IGF2BP3: variants seen among roughly 807,000 people sequenced by gnomAD.
IGF2BP3 encodes insulin-like growth factor 2 mRNA-binding protein 3.
In IGF2BP3, 9 loss-of-function variants were observed where a neutral mutation model predicts 73.8. The observed-to-expected ratio is 0.12, with a 90% CI of 0.07 to 0.21. The LOEUF (loss-of-function observed/expected upper bound fraction) is 0.21. Ranked by LOEUF, IGF2BP3 falls within the 10% of genes least tolerant of loss-of-function variation. The pLI is 1.00. For synonymous variants in IGF2BP3, 258 were observed against 256.7 expected, an observed-to-expected ratio of 1.01 and a Z score of -0.05; for missense variants, 542 against 714.0, an observed-to-expected ratio of 0.76 and a Z score of 2.75.
At chr7:23,383,356 C>T (rs950918259) in intron 3 of IGF2BP3, among the ~76,000 whole-genome samples, 2 of 152,102 alleles carry the variant, frequency 1.3e-5, no homozygotes, top group African/African-American at 4.8e-5. Flanking sequence ...AGATATACTA[C>T]AAATGCTCAA....
intron 12 of IGF2BP3, among the ~76,000 whole-genome samples, chr7:23,314,310 G>A (rs1214626488): frequency 2.0e-5 from 3 of 151,906 alleles, no homozygotes; most frequent in Non-Finnish European, 4.4e-5. Flanking sequence ...AGCCTCCTGA[G>A]TAGCTGGGAC....
intron 10 of IGF2BP3, among the ~76,000 whole-genome samples, chr7:23,320,600 T>C (rs1784110547): frequency 6.7e-6 from 1 of 149,884 alleles, no homozygotes; most frequent in Non-Finnish European, 1.5e-5. Flanking sequence ...GAAATAGTTA[T>C]TGAAATGAGC....
In IGF2BP3 at chr7:23,327,659, T is replaced by C. The variant is rs182594565; in HGVS notation, c.1204-8405A>G. On this transcript the variant is annotated intron_variant, in intron 10 of 14. Transcript: ENST00000258729. ...AATCTCAGGAACTAGGTAGAAATCT[T>C]TAAAATTTTAAGCCGTTTTCAAAAA... Among the ~76,000 whole-genome samples the C allele has an allele frequency of 2.3e-3, 348 of 152,234 alleles. 9 individuals carry two copies. The South Asian group carries it at 0.062, about 27-fold the overall frequency.
chr7:23,376,109 C>T (rs1222850326), intron 3 of IGF2BP3, among the ~76,000 whole-genome samples: 1 of 152,150 alleles, frequency 6.6e-6, no homozygotes, highest in Non-Finnish European at 1.5e-5. Context: ...TTTGGGAAAA[C>T]ACAGCAGCTC....
chr7:23,317,778 C>T (rs1040809700), intron 11 of IGF2BP3, 65 bp from the exon 12 acceptor site: 7 of 1,288,022 alleles, frequency 5.4e-6, no homozygotes, highest in African/African-American at 4.3e-5. Flanking sequence ...CTTGGGCCAA[C>T]CAGCCTAACA....
intron 2 of IGF2BP3, among the ~76,000 whole-genome samples, chr7:23,443,556 C>T (rs1201637655): frequency 1.3e-5 from 2 of 151,982 alleles, no homozygotes; most frequent in African/African-American, 4.8e-5. Flanking sequence ...ATCCCAGCTA[C>T]TTGGGATGGG....
chr7:23,388,793 A>C (rs1355473683), intron 3 of IGF2BP3, among the ~76,000 whole-genome samples: 1 of 152,162 alleles, frequency 6.6e-6, no homozygotes, highest in African/African-American at 2.4e-5. Flanking sequence ...TCTGGGGGTT[A>C]CAAGTGGGTC....
chr7:23,364,821 G>A (rs1051386770), intron 3 of IGF2BP3, among the ~76,000 whole-genome samples: 1 of 151,900 alleles, frequency 6.6e-6, no homozygotes, highest in African/African-American at 2.4e-5. Flanking sequence ...TGGGGGTAGC[G>A]GAGGGGTTCA....
chr7:23,459,281 G>A (rs754780399), intron 2 of IGF2BP3, among the ~76,000 whole-genome samples: 2 of 152,044 alleles, frequency 1.3e-5, no homozygotes, highest in Admixed American at 1.3e-4. Context: ...TTCATAATTG[G>A]GGAAACATGC....
intron 3 of IGF2BP3, among the ~76,000 whole-genome samples, chr7:23,364,372 TAA>T (rs531768838): frequency 7.2e-6 from 1 of 137,986 alleles, no homozygotes. Context: ...AGACTCCATC[TAA>T]AAAAAAAAAG....
At chr7:23,431,100 T>C (rs181097193) in intron 2 of IGF2BP3, 37 of 152,326 alleles carry the variant, frequency 2.4e-4, no homozygotes, top group Non-Finnish European at 4.4e-4. Context: ...AAAATGTACA[T>C]ATCTGTACAT....
At chr7:23,457,189 T>G (rs546942300) in intron 2 of IGF2BP3, among the ~76,000 whole-genome samples, 1 of 151,780 alleles carries the variant, frequency 6.6e-6, no homozygotes, top group Non-Finnish European at 1.5e-5. Flanking sequence ...AGGGGCTGAG[T>G]GCGATGACTC....
chr7:23,361,514 A>T lies in IGF2BP3; in HGVS notation c.401+20T>A. 1 of 1,598,056 alleles carries T rather than the reference A, an allele frequency of 6.3e-7. No homozygotes were observed. Among genetic ancestry groups the T allele is most frequent in the Non-Finnish European group, 8.6e-7 (1 of 1,167,562 alleles). ...TTAACTTAGTTATTATATATAGATT[A>T]AAAGCTTCAAGCTGCTTACTGTCTA... On this transcript the variant is annotated intron_variant, in intron 5 of 14. Transcript: ENST00000258729.
In IGF2BP3 at chr7:23,384,291, T is replaced by C. The variant is rs187967606; in HGVS notation, c.286-22550A>G. On this transcript the variant is annotated intron_variant, in intron 3 of 14. Transcript: ENST00000258729. ...CTTAGGACTAAGTGGGGTGGGGTGA[T>C]AGGGGTTCAGTGGGGGGAAAGAACA... is the stretch of plus-strand genomic sequence containing the variant. Among the ~76,000 whole-genome samples the C allele has an allele frequency of 2.9e-4, 44 of 151,184 alleles. No individual in the cohort carries two copies. In the East Asian group the frequency reaches 7.6e-3, roughly 26 times the overall value.
In IGF2BP3 at chr7:23,331,875, A is replaced by G. The variant is rs182026963; in HGVS notation, c.1203+10189T>C. ...ACTGTCTCAGAAAAAAAAAAAAAAG[A>G]AAAAAAAAAGGAGTTTAATTGACTC... On this transcript the variant is annotated intron_variant, in intron 10 of 14. Coordinates refer to ENST00000258729, the MANE Select transcript of IGF2BP3 (RefSeq NM_006547.3). 5.6e-3 allele frequency among the ~76,000 whole-genome samples: 830 copies of G among 147,832 alleles called. 3 individuals are homozygous for G. Among genetic ancestry groups the G allele is most frequent in the African/African-American group, 0.02 (800 of 40,374 alleles).
chr7:23,401,773 A>C (rs1786673217), intron 3 of IGF2BP3, among the ~76,000 whole-genome samples: 1 of 151,032 alleles, frequency 6.6e-6, no homozygotes, highest in African/African-American at 2.4e-5. Context: ...CCAAAAAAAA[A>C]GTCACTGCTG....
At chr7:23,404,076 A>T (rs1351641969) in intron 3 of IGF2BP3, among the ~76,000 whole-genome samples, 1 of 151,944 alleles carries the variant, frequency 6.6e-6, no homozygotes, top group Admixed American at 6.6e-5. Flanking sequence ...GAAGAGTTTA[A>T]GGCTGCAGTG....
chr7:23,415,591 C>A, intron 3 of IGF2BP3: 1 of 266,264 alleles, frequency 3.8e-6, no homozygotes. Context: ...ACTGAATCAG[C>A]AGTTGGTTAC....
intron 3 of IGF2BP3, among the ~76,000 whole-genome samples, chr7:23,386,676 C>T (rs1431460106): frequency 6.6e-6 from 1 of 152,148 alleles, no homozygotes; most frequent in Non-Finnish European, 1.5e-5. Context: ...GGAGATAGAG[C>T]GTAATTCTCC....
Sources: allele counts gnomAD v4.1 joint callset (sites outside exome capture counted in the v4.1 genomes callset), GRCh38; gene constraint gnomAD v4.1.1; transcripts MANE v1.5; gene names NCBI Gene and HGNC (gene_info 2026-07-23, HGNC 2026-07-21).